Variants in NUP205 observed in about 807,000 individuals in gnomAD.
The protein encoded by NUP205 is nuclear pore complex protein Nup205.
A neutral mutation model predicts 253.8 loss-of-function variants in NUP205; 76 were observed. That is an observed-to-expected ratio of 0.30 (90% confidence interval 0.25 to 0.36). The LOEUF is 0.36. NUP205 is among the 10% of genes least tolerant of loss of function. NUP205 has a pLI of 1.00. For synonymous variants in NUP205, 832 were observed against 850.1 expected (o/e 0.98, Z 0.37); for missense variants, 2,162 against 2,425.5 (o/e 0.89, Z 2.28).
In NUP205 at chr7:135,594,760, T is replaced by C. The variant is rs777484308; in HGVS notation, c.2013+31T>C. 23 of 1,536,560 alleles carry C rather than the reference T, an allele frequency of 1.5e-5. No homozygotes were observed. The Admixed American group carries it at 4.5e-4, about 30-fold the overall frequency. On this transcript the variant is annotated intron_variant, in intron 13 of 42. Transcript: ENST00000285968. ...GCTCTGAAGTCCCTTATTTATATTA[T>C]CCCAATGTGGAAAGTTGGGCTTGAT... is the stretch of plus-strand genomic sequence containing the variant.
chr7:135,590,903 A>C (rs1232990717), intron 10 of NUP205, among the ~76,000 whole-genome samples: 1 of 152,176 alleles, frequency 6.6e-6, no homozygotes, highest in Non-Finnish European at 1.5e-5. Flanking sequence ...CTCAGTTCCA[A>C]CTAGTGAGTT....
chr7:135,577,011 G>A lies in NUP205; in HGVS notation c.531G>A (p.Leu177=), dbSNP rs551812544. The change falls in exon 5 of 43, where the codon CTG becomes CTA. Residue 177 remains leucine, a synonymous_variant. Transcript: ENST00000285968. ...TGACAACACGCTTTACAGATGAGCT[G>A]ATGGAGCAAGGATTGACTTATAAAG... ...ASMTTRFTDE[L]MEQGLTYKVL... is the part of the protein sequence containing the mutation. 1 of 1,614,122 alleles carries A rather than the reference G, an allele frequency of 6.2e-7. No individual in the cohort carries two copies. The highest frequency in any genetic ancestry group is 1.7e-5 in the Admixed American group (1 of 60,020).
chr7:135,562,666 G>A (rs1174841322), intron 1 of NUP205, among the ~76,000 whole-genome samples: 1 of 148,108 alleles, frequency 6.8e-6, no homozygotes, highest in Non-Finnish European at 1.5e-5. Flanking sequence ...TCTTGCCTCA[G>A]CCTCCTGAGT....
intron 2 of NUP205, among the ~76,000 whole-genome samples, chr7:135,572,858 C>T (rs1255998255): frequency 6.6e-6 from 1 of 151,886 alleles, no homozygotes; most frequent in Non-Finnish European, 1.5e-5. Flanking sequence ...CCCAGTCTGG[C>T]ACTTTTCTTT....
At chr7:135,580,593 C>G (rs56290319) in intron 7 of NUP205, among the ~76,000 whole-genome samples, 5,157 of 151,910 alleles carry the variant, frequency 0.034, 119 homozygotes, top group Middle Eastern at 0.1. Flanking sequence ...CTCCGGAGTA[C>G]CTGGGACTAT....
At chr7:135,631,090 GGAGA>G (rs139908125) in intron 35 of NUP205, among the ~76,000 whole-genome samples, 5,639 of 151,918 alleles carry the variant, frequency 0.037, 530 homozygotes, top group Admixed American at 0.21. Context: ...AAAGGGAGGG[GGAGA>G]GAGAGAAAGA....
chr7:135,581,889 T>C (rs1806316363), intron 7 of NUP205, among the ~76,000 whole-genome samples: 2 of 152,180 alleles, frequency 1.3e-5, no homozygotes, highest in South Asian at 4.1e-4. Flanking sequence ...CAAGCATTTT[T>C]GTAATTTCAC....
chr7:135,563,842 A>G (rs1805664764), intron 1 of NUP205, among the ~76,000 whole-genome samples: 1 of 151,952 alleles, frequency 6.6e-6, no homozygotes, highest in Non-Finnish European at 1.5e-5. Context: ...AAAATTAGCC[A>G]GGTCTGGTGG....
In NUP205 at chr7:135,637,161, A is replaced by G. The variant is rs80267749; in HGVS notation, c.5137-770A>G. Among the ~76,000 whole-genome samples, 852 of 152,354 alleles carry G rather than the reference A, an allele frequency of 5.6e-3. 14 individuals are homozygous for G. Among genetic ancestry groups the G allele is most frequent in the East Asian group, 0.051 (266 of 5,190 alleles). ...CAGAACATTGTGCTAAGCACTTTAA[A>G]TATAATACCATGTCTCAGGGAATCC... On this transcript the variant is annotated intron_variant, in intron 36 of 42. Transcript: ENST00000285968.
intron 1 of NUP205, among the ~76,000 whole-genome samples, chr7:135,566,981 G>C (rs138102153): frequency 2.5e-4 from 37 of 150,658 alleles, no homozygotes; most frequent in African/African-American, 8.5e-4. Flanking sequence ...CCTCGTGATC[G>C]GCCCACCTCG....
At chr7:135,617,567 A>G (rs1794387562) in intron 26 of NUP205, 35 bp from the exon 27 acceptor site, 2 of 1,517,564 alleles carry the variant, frequency 1.3e-6, no homozygotes, top group African/African-American at 2.7e-5. Flanking sequence ...AGTGTCTGAA[A>G]TGTCTTATTT....
At chr7:135,631,698 C>T (rs1468708257) in intron 35 of NUP205, among the ~76,000 whole-genome samples, 2 of 151,856 alleles carry the variant, frequency 1.3e-5, no homozygotes, top group African/African-American at 2.4e-5. Flanking sequence ...TCACCATTCA[C>T]GAGTTCTTTC....
At position 135,571,123 on chromosome 7, in the gene NUP205, C is replaced by A; in HGVS notation, c.47C>A (p.Pro16His). The A allele has an allele frequency of 6.4e-7, 1 of 1,550,896 alleles. No individual in the cohort carries two copies. Among genetic ancestry groups the A allele is most frequent in the Non-Finnish European group, 8.7e-7 (1 of 1,149,062 alleles). The change falls in exon 2 of 43, where the codon CCT (proline) becomes CAT (histidine). Residue 16 changes from proline to histidine, a missense_variant. This residue lies in a region of NUP205 where 109 missense variants were observed against 131.8 expected (regional missense o/e 0.83). Transcript: ENST00000285968. The part of the protein sequence containing the change: ...AVNSAASLWG[P>H]YKDIWHKVGN... ...CTTTAAGCTGCTAGTCTATGGGGTC[C>A]TTACAAAGACATTTGGCATAAAGTG...
intron 7 of NUP205, among the ~76,000 whole-genome samples, chr7:135,580,274 T>C (rs1020858639): frequency 2.6e-5 from 4 of 152,196 alleles, no homozygotes; most frequent in African/African-American, 7.2e-5. Context: ...TAGGAGTCTT[T>C]CTTTGGCCAG....
intron 2 of NUP205, among the ~76,000 whole-genome samples, chr7:135,573,425 G>A (rs556138698): frequency 6.6e-6 from 1 of 152,212 alleles, no homozygotes; most frequent in East Asian, 1.9e-4. Context: ...AAATTTTTCA[G>A]ATCAGAGTTT....
chr7:135,593,911 A>G lies in NUP205; in HGVS notation c.1831-636A>G, dbSNP rs147603654. On this transcript the variant is annotated intron_variant, in intron 12 of 42. Coordinates refer to ENST00000285968, the MANE Select transcript of NUP205 (RefSeq NM_015135.3). ...AAGTTCTAGTGTTCTATAGCACTAC[A>G]GGGTGAATATAACTAGCAGTAATTC... Among the ~76,000 whole-genome samples the G allele has an allele frequency of 1.8e-3, 277 of 152,326 alleles. 1 individual carries two copies. The highest frequency in any genetic ancestry group is 6.4e-3 in the African/African-American group (265 of 41,578).
Position 135,570,747 on chromosome 7 carries a change from T to A in NUP205, c.29-358T>A, listed in dbSNP as rs1210845753. 1.7e-4 allele frequency among the ~76,000 whole-genome samples: 16 copies of A among 92,682 alleles called. 1 individual carries two copies. The highest frequency in any genetic ancestry group is 3.2e-4 in the Non-Finnish European group (16 of 49,340). The allele number at this position is 92,682 out of a possible 152,430, so 60.8% of individuals were successfully genotyped here. ...ATATTTATATATTATATTAATATAT[T>A]AATTATATTTATATATTATATTAAT... is the stretch of plus-strand genomic sequence containing the variant. On this transcript the variant is annotated intron_variant, in intron 1 of 42. Transcript: ENST00000285968.
chr7:135,605,853 ATT>A (rs202096156), intron 19 of NUP205, among the ~76,000 whole-genome samples: 183 of 144,232 alleles, frequency 1.3e-3, no homozygotes, highest in African/African-American at 3.2e-3. Flanking sequence ...CAATTTCGTG[ATT>A]TTTTTTTTTT....
At chr7:135,583,752 C>T (rs900033259) in intron 7 of NUP205, among the ~76,000 whole-genome samples, 3 of 151,960 alleles carry the variant, frequency 2.0e-5, no homozygotes, top group African/African-American at 7.3e-5. Context: ...GAGCGAGACC[C>T]TGTCTCAAAA....
Sources: allele counts gnomAD v4.1 joint callset (sites outside exome capture counted in the v4.1 genomes callset), GRCh38; gene constraint gnomAD v4.1.1; regional missense constraint gnomAD v4.1.1; transcripts MANE v1.5; gene names NCBI Gene and HGNC (gene_info 2026-07-23, HGNC 2026-07-21).